MAP9: variants seen among roughly 807,000 people sequenced by gnomAD.
MAP9 encodes microtubule associated protein 9.
A neutral mutation model predicts 75.2 loss-of-function variants in MAP9; 80 were observed. The ratio of observed to expected loss-of-function variants is 1.06; its 90% confidence interval spans 0.89 to 1.28. The LOEUF is 1.28. Ranked by LOEUF, MAP9 falls within the 50% of genes most tolerant of loss-of-function variation. The pLI is 0.00. For synonymous variants in MAP9, 235 were observed against 237.3 expected, an observed-to-expected ratio of 0.99 and a Z score of 0.09; for missense variants, 753 against 719.9, an observed-to-expected ratio of 1.05 and a Z score of -0.53.
Position 155,353,306 on chromosome 4 carries a change from G to C in MAP9, c.1415C>G (p.Ser472Ter). 6.3e-7 allele frequency: 1 copy of C among 1,595,832 alleles called. No homozygotes were observed. The highest frequency in any genetic ancestry group is 1.2e-5 in the South Asian group (1 of 86,326). The change falls in exon 11 of 14, where the codon TCA becomes TGA. Residue 472 changes from serine (S) to a stop codon, truncating the protein, a stop_gained. Coordinates refer to ENST00000311277, the MANE Select transcript of MAP9 (RefSeq NM_001039580.2). LOFTEE classifies it high-confidence loss of function. ...KAAKREEALA[S>*]FEAWKAMKEK... Reference sequence around the variant, plus strand: ...TTTCATAGCCTTCCAGGCCTCAAATGATGCTAATGCTTCTTCTCTTTTAGC... The same window carrying C: ...TTTCATAGCCTTCCAGGCCTCAAATCATGCTAATGCTTCTTCTCTTTTAGC...
intron 13 of MAP9, chr4:155,352,227 T>A (rs1731542637): frequency 5.6e-6 from 1 of 179,834 alleles, no homozygotes; most frequent in Admixed American, 6.4e-5. Flanking sequence ...AGTGTTACTT[T>A]TTGTCATGAC....
rs761340078 is a variant in MAP9, at chr4:155,375,821, C to G, written c.30G>C (p.Leu10Phe). MSDEVFSTT[L>F]AYTKSPKVTK... is the part of the protein sequence containing the mutation. ...TAACTTTTGGACTCTTTGTATATGC[C>G]AAAGTGGTGCTAAAAACTTCATCAG... Residue 10 changes from leucine (L) to phenylalanine (F), a missense_variant, in exon 2 of 14, where the codon TTG (leucine) becomes TTC (phenylalanine). Transcript: ENST00000311277. 4.3e-6 allele frequency: 7 copies of G among 1,610,062 alleles called. No homozygotes were observed. The South Asian group carries it at 7.7e-5, about 18-fold the overall frequency.
At chr4:155,348,690 A>G (rs569645345) in intron 13 of MAP9, among the ~76,000 whole-genome samples, 2 of 152,114 alleles carry the variant, frequency 1.3e-5, no homozygotes, top group Admixed American at 1.3e-4. Flanking sequence ...GCCTTTTGTA[A>G]ATTTTCTGCT....
rs960329606 is a variant in MAP9, at chr4:155,345,044, A to AAAT, written c.*2736_*2738dup. The AAAT allele has an allele frequency of 6.6e-6, 1 of 152,016 alleles. No homozygotes were observed. Among genetic ancestry groups the AAAT allele is most frequent in the African/African-American group, 2.4e-5 (1 of 41,446 alleles). 9.4% of individuals were successfully genotyped at this position (152,016 alleles called of 1,614,324 possible). A position where few individuals can be genotyped will look rare whatever the true frequency, so the allele number is the denominator to read the frequency against. Reference sequence around the variant, plus strand: ...ACAAATTAATGTAAACCTAATGAGTAAATATCTATATTGACATGACATACT... The same window carrying AAAT: ...ACAAATTAATGTAAACCTAATGAGTAAATAATATCTATATTGACATGACATACT... On this transcript the variant is annotated 3_prime_UTR_variant, in exon 14 of 14. Transcript: ENST00000311277.
intron 10 of MAP9, 103 bp from the exon 11 acceptor site, chr4:155,353,443 C>A: frequency 1.1e-6 from 1 of 926,132 alleles, no homozygotes; most frequent in Non-Finnish European, 1.4e-6. Flanking sequence ...TATCTTTAGT[C>A]CTCTGATATT....
Position 155,346,357 on chromosome 4 carries a change from T to C in MAP9, c.*1426A>G, listed in dbSNP as rs113161015. ...CTATTTCTGTAGAGAAAGATCATCT[T>C]TGGATAACAATACATGATTTTAGGC... On this transcript the variant is annotated 3_prime_UTR_variant, in exon 14 of 14. Coordinates refer to ENST00000311277, the MANE Select transcript of MAP9 (RefSeq NM_001039580.2). 7 of 152,346 alleles carry C rather than the reference T, an allele frequency of 4.6e-5. No homozygotes were observed. The highest frequency in any genetic ancestry group is 1.7e-4 in the African/African-American group (7 of 41,592). 9.4% of individuals were successfully genotyped at this position (152,346 alleles called of 1,614,324 possible). A position where few individuals can be genotyped will look rare whatever the true frequency, so the allele number is the denominator to read the frequency against.
chr4:155,371,008 A>G (rs1265676304), intron 4 of MAP9, among the ~76,000 whole-genome samples: 1 of 152,220 alleles, frequency 6.6e-6, no homozygotes, highest in Admixed American at 6.5e-5. Flanking sequence ...AAACTCTAGC[A>G]GGCTGCAGAT....
chr4:155,360,083 G>A lies in MAP9; in HGVS notation c.1050+85C>T, dbSNP rs2111230887. 4.8e-6 allele frequency: 6 copies of A among 1,244,828 alleles called. No homozygotes were observed. In the South Asian group the frequency reaches 8.7e-5, roughly 18 times the overall value. The allele number at this position is 1,244,828 out of a possible 1,614,324, so 77.1% of individuals were successfully genotyped here. On this transcript the variant is annotated intron_variant, in intron 7 of 13. Transcript: ENST00000311277. ...TAAATTTTCCACTGGTAATTCAGAA[G>A]TATATAACACAGAAGATAAAATTTC... is the stretch of plus-strand genomic sequence containing the variant.
At chr4:155,362,950 T>C (rs747934711) in intron 5 of MAP9, 2 of 152,168 alleles carry the variant, frequency 1.3e-5, no homozygotes, top group East Asian at 3.8e-4. Context: ...TGCAAATTAG[T>C]AGCTTTTTGC....
chr4:155,350,225 A>G (rs1405146800), intron 13 of MAP9: 1 of 452,106 alleles, frequency 2.2e-6, no homozygotes, highest in African/African-American at 2.1e-5. Flanking sequence ...TACAGGGGCA[A>G]TTTTTCTATT....
intron 7 of MAP9, among the ~76,000 whole-genome samples, chr4:155,357,800 G>T (rs1731868023): frequency 6.6e-6 from 1 of 152,174 alleles, no homozygotes; most frequent in Non-Finnish European, 1.5e-5. Context: ...CTGCTTTAAA[G>T]AAGTTGGTCA....
chr4:155,355,793 CT>C lies in MAP9; in HGVS notation c.1212del (p.Val405SerfsTer12). 2 of 1,613,946 alleles carry C rather than the reference CT, an allele frequency of 1.2e-6. No homozygotes were observed. Among genetic ancestry groups the C allele is most frequent in the Non-Finnish European group, 8.5e-7 (1 of 1,179,926 alleles). ...TTCTGTGAAGGTTTTTGGTCCAAGACTTTTAAAGTCCCTAAATAGTGAGAAG... is the reference window on the plus strand; with the variant it reads ...TTCTGTGAAGGTTTTTGGTCCAAGACTTTAAAGTCCCTAAATAGTGAGAAG... Reference protein sequence around the residue: ...TTSSHYLGTLKVLDQKPSQKQ... With the variant: ...TTSSHYLGTLXVLDQKPSQKQ... On this transcript the variant is annotated frameshift_variant, in exon 9 of 14. Coordinates refer to ENST00000311277, the MANE Select transcript of MAP9 (RefSeq NM_001039580.2). LOFTEE classifies it high-confidence loss of function.
chr4:155,355,744 G>GAAC lies in MAP9; in HGVS notation c.1261_1262insGTT (p.Ala421delinsGlySer). On this transcript the variant is annotated protein_altering_variant, in exon 9 of 14. Coordinates refer to ENST00000311277, the MANE Select transcript of MAP9 (RefSeq NM_001039580.2). ...ATAAACAGCTGCCCTTATGTTATCT[G>GAAC]CTCTATCAGGTTCTATGCTCTGTTT... is the stretch of plus-strand genomic sequence containing the variant. 1.2e-6 allele frequency: 2 copies of GAAC among 1,612,764 alleles called. No individual in the cohort carries two copies. Among genetic ancestry groups the GAAC allele is most frequent in the Non-Finnish European group, 1.7e-6 (2 of 1,179,534 alleles).
chr4:155,358,725 C>A (rs1731919815), intron 7 of MAP9, among the ~76,000 whole-genome samples: 1 of 151,590 alleles, frequency 6.6e-6, no homozygotes, highest in Non-Finnish European at 1.5e-5. Context: ...ACAACAACAA[C>A]AAAAAACAAA....
At position 155,369,328 on chromosome 4, in the gene MAP9, TAA is replaced by T. The variant is rs201446447; in HGVS notation, c.482-518_482-517del. Among the ~76,000 whole-genome samples, 317 of 104,916 alleles carry T rather than the reference TAA, an allele frequency of 3.0e-3. 1 individual carries two copies. Among genetic ancestry groups the T allele is most frequent in the Non-Finnish European group, 4.7e-3 (232 of 49,152 alleles). The allele number at this position is 104,916 out of a possible 152,430, so 68.8% of individuals were successfully genotyped here. A position where few individuals can be genotyped will look rare whatever the true frequency, so the allele number is the denominator to read the frequency against. On this transcript the variant is annotated intron_variant, in intron 4 of 13. Transcript: ENST00000311277. ...TGGGTAATAAGAGCAAAAATCCATC[TAA>T]AAAAAAAAAAAAAACCAAACAACAA...
In MAP9 at chr4:155,375,790, T is replaced by C. The variant is rs775191928; in HGVS notation, c.61A>G (p.Arg21Gly). The C allele has an allele frequency of 8.7e-6, 14 of 1,604,970 alleles. No individual in the cohort carries two copies. The highest frequency in any genetic ancestry group is 5.0e-5 in the Admixed American group (3 of 59,660). ...AAATACTTTACCTGGAAAGTAGTTCTTTTGGTAACTTTTGGACTCTTTGTA... is the reference window on the plus strand; with the variant it reads ...AAATACTTTACCTGGAAAGTAGTTCCTTTGGTAACTTTTGGACTCTTTGTA... The part of the protein sequence containing the change: ...AYTKSPKVTK[R>G]TTFQDELIRA... Residue 21 changes from arginine (R) to glycine (G), a missense_variant, in exon 2 of 14, where the codon AGA (arginine) becomes GGA (glycine). Transcript: ENST00000311277.
Position 155,344,622 on chromosome 4 carries a change from T to G in MAP9, c.*3161A>C, listed in dbSNP as rs1427846390. ...ATATAACTTTAAACAATAAATGGAC[T>G]AACACTTTTGAAGTATGAAGCAAAT... On this transcript the variant is annotated 3_prime_UTR_variant, in exon 14 of 14. Coordinates refer to ENST00000311277, the MANE Select transcript of MAP9 (RefSeq NM_001039580.2). The G allele has an allele frequency of 6.6e-6, 1 of 151,996 alleles. No individual in the cohort carries two copies. The highest frequency in any genetic ancestry group is 1.5e-5 in the Non-Finnish European group (1 of 67,876). The allele number at this position is 151,996 out of a possible 1,614,324, so 9.4% of individuals were successfully genotyped here.
At position 155,345,683 on chromosome 4, in the gene MAP9, T is replaced by C. The variant is rs1731259897; in HGVS notation, c.*2100A>G. 1 of 152,092 alleles carries C rather than the reference T, an allele frequency of 6.6e-6. No homozygotes were observed. The highest frequency in any genetic ancestry group is 6.6e-5 in the Admixed American group (1 of 15,242). 9.4% of individuals were successfully genotyped at this position (152,092 alleles called of 1,614,324 possible). ...AATAGTTTACATTAATTAACTCGGT[T>C]CTCACAACAACCTAAGAAGTAATAA... On this transcript the variant is annotated 3_prime_UTR_variant, in exon 14 of 14. Coordinates refer to ENST00000311277, the MANE Select transcript of MAP9 (RefSeq NM_001039580.2).
rs1732290188 is a variant in MAP9 at position 155,365,657 on chromosome 4, C to T, written c.708+2929G>A. ...TAAAAATTTGAAATCATGTAAGATA[C>T]ATTCTCTAGACTACAACAAAATTAA... is the stretch of plus-strand genomic sequence containing the variant. On this transcript the variant is annotated intron_variant, in intron 5 of 13. Transcript: ENST00000311277. Among the ~76,000 whole-genome samples, 3 of 151,994 alleles carry T rather than the reference C, an allele frequency of 2.0e-5. No homozygotes were observed. The South Asian group carries it at 6.2e-4, about 31-fold the overall frequency.
Sources: gnomAD v4.1 joint callset for allele counts (sites outside exome capture counted in the v4.1 genomes callset) on GRCh38, gnomAD v4.1.1 for gene constraint, MANE v1.5 for transcripts, NCBI Gene and HGNC (gene_info 2026-07-23, HGNC 2026-07-21) for gene names.